The following MAP2K5 variants were observed in gnomAD, a reference collection of about 807,000 sequenced individuals.
The protein encoded by MAP2K5 is dual specificity mitogen-activated protein kinase kinase 5.
A neutral mutation model predicts 83.1 loss-of-function variants in MAP2K5; 49 were observed. That is an observed-to-expected ratio of 0.59 (90% CI 0.47 to 0.75). MAP2K5 has a LOEUF of 0.75. Ranked by LOEUF, MAP2K5 falls within the 30% of genes least tolerant of loss-of-function variation. The probability of loss-of-function intolerance (pLI) is 0.00; values close to 1 mark genes in which losing one functional copy is unlikely to be tolerated. For synonymous variants in MAP2K5, 202 were observed against 191.8 expected (o/e 1.05, Z -0.44); for missense variants, 457 against 557.5 (o/e 0.82, Z 1.82).
In MAP2K5 at chr15:67,750,793, A is replaced by T. The variant is rs1419661138; in HGVS notation, c.1134+2192A>T. Among the ~76,000 whole-genome samples, 2 of 152,140 alleles carry T rather than the reference A, an allele frequency of 1.3e-5. No homozygotes were observed. The highest frequency in any genetic ancestry group is 6.5e-5 in the Admixed American group (1 of 15,282). The stretch of plus-strand genomic sequence containing the variant: ...CTTTTAGACCTTTTATTTGTGAATG[A>T]ATATGCCCAGTTGGGATTTGAGCCG... On this transcript the variant is annotated intron_variant, in intron 19 of 21. Coordinates refer to ENST00000178640, the MANE Select transcript of MAP2K5 (RefSeq NM_145160.3). This position sits in a 1 kb window ranked among gnomAD's most constrained non-coding sequence, Gnocchi z 4.2.
intron 15 of MAP2K5, among the ~76,000 whole-genome samples, chr15:67,700,801 T>C (rs1332584405): frequency 6.6e-6 from 1 of 152,010 alleles, no homozygotes; most frequent in East Asian, 1.9e-4. Context: ...ACAGCAGTAA[T>C]CTTGTTTCAT....
chr15:67,651,083 T>C (rs1013938000), intron 11 of MAP2K5, among the ~76,000 whole-genome samples: 10 of 152,258 alleles, frequency 6.6e-5, no homozygotes, highest in African/African-American at 1.7e-4. Context: ...CTGGGCATGG[T>C]GGCACATGCC....
chr15:67,568,255 C>G, intron 3 of MAP2K5, among the ~76,000 whole-genome samples: 1 of 151,916 alleles, frequency 6.6e-6, no homozygotes, highest in Non-Finnish European at 1.5e-5. Flanking sequence ...GTAAGTATTC[C>G]CTTTGGTGTA....
At position 67,778,585 on chromosome 15, in the gene MAP2K5, G is replaced by A. The variant is rs1350533724; in HGVS notation, c.1242+5833G>A. ...CTTATGAAGGCAGGTAAACAAGGGG[G>A]TCACCAGCAAGTCTTAGAGAAGTCA... On this transcript the variant is annotated intron_variant, in intron 21 of 21. Coordinates refer to ENST00000178640, the MANE Select transcript of MAP2K5 (RefSeq NM_145160.3). This position sits in a 1 kb window ranked among gnomAD's most constrained non-coding sequence, Gnocchi z 5.0. Among the ~76,000 whole-genome samples the A allele has an allele frequency of 1.3e-5, 2 of 152,182 alleles. No individual in the cohort carries two copies. The highest frequency in any genetic ancestry group is 6.5e-5 in the Admixed American group (1 of 15,278).
At chr15:67,701,741 G>A (rs547801377) in intron 15 of MAP2K5, among the ~76,000 whole-genome samples, 24 of 152,240 alleles carry the variant, frequency 1.6e-4, no homozygotes, top group African/African-American at 4.1e-4. Context: ...TTATTCTGGA[G>A]GTTCATTTGT....
chr15:67,634,408 A>AAAAAAAAAAAAAAAAAAAAAAAC (rs1826173199), intron 9 of MAP2K5, among the ~76,000 whole-genome samples: 1 of 132,042 alleles, frequency 7.6e-6, no homozygotes, highest in Non-Finnish European at 1.6e-5. Flanking sequence ...AAAAAAAAAA[A>AAAAAAAAAAAAAAAAAAAAAAAC]AGAATGTATA....
At chr15:67,546,365 A>T (rs1476527026) in intron 1 of MAP2K5, 2 of 153,260 alleles carry the variant, frequency 1.3e-5, no homozygotes, top group African/African-American at 4.8e-5. Context: ...CACCCAGCTA[A>T]TTTTTGGCAG....
chr15:67,655,531 A>AAT (rs55744816), intron 11 of MAP2K5, among the ~76,000 whole-genome samples: 149,557 of 152,260 alleles, frequency 0.98, 73,517 homozygotes, highest in Middle Eastern at 1. Flanking sequence ...TTCATGTTCA[A>AAT]ATGTCATTCC....
intron 13 of MAP2K5, among the ~76,000 whole-genome samples, chr15:67,692,179 C>G (rs2088129681): frequency 6.6e-6 from 1 of 152,106 alleles, no homozygotes; most frequent in African/African-American, 2.4e-5. Context: ...TCCTGAAAAA[C>G]TAGGGATAGG....
intron 4 of MAP2K5, among the ~76,000 whole-genome samples, chr15:67,583,934 C>T (rs577009844): frequency 5.4e-4 from 81 of 151,370 alleles, no homozygotes; most frequent in Middle Eastern, 3.4e-3. Flanking sequence ...TTTTTAATAG[C>T]GACAAGGTAT....
At position 67,646,421 on chromosome 15, in the gene MAP2K5, G is replaced by T. The variant is rs1156475614; in HGVS notation, c.688G>T (p.Ala230Ser). ...ATCATATATCATTGGATTTTATGGA[G>T]CATTTTTTGTAGAAAACAGGATTTC... ...DSSYIIGFYGAFFVENRISIC... is the reference protein window; with the variant it reads ...DSSYIIGFYGSFFVENRISIC... Residue 230 changes from alanine to serine, a missense_variant, in exon 11 of 22, where the codon GCA (alanine) becomes TCA (serine). By Grantham distance (99) the Ala-to-Ser change is moderately conservative. Transcript: ENST00000178640. 6.2e-7 allele frequency: 1 copy of T among 1,602,516 alleles called. No homozygotes were observed. Among genetic ancestry groups the T allele is most frequent in the African/African-American group, 1.3e-5 (1 of 74,616 alleles).
At chr15:67,739,460 ATATTTTTTTTTTTTTTTTTTTTTTT>A (rs1435484886) in intron 17 of MAP2K5, among the ~76,000 whole-genome samples, 2 of 19,990 alleles carry the variant, frequency 1.0e-4, no homozygotes, top group Non-Finnish European at 1.5e-4. Context: ...ATATATATAT[ATATTTTTTTTTTTTTTTTTTTTTTT>A]TTTTTTTTTT....
Position 67,760,818 on chromosome 15 carries a change from G to A in MAP2K5, c.1135-8784G>A, listed in dbSNP as rs914879687. The stretch of plus-strand genomic sequence containing the variant: ...TATTGTGAAGTCTTACCCAGCCATA[G>A]GACAATGCTCATTTAATCCACCATG... On this transcript the variant is annotated intron_variant, in intron 19 of 21. Coordinates refer to ENST00000178640, the MANE Select transcript of MAP2K5 (RefSeq NM_145160.3). This position sits in a 1 kb window ranked among gnomAD's most constrained non-coding sequence, Gnocchi z 4.1. 1.3e-5 allele frequency among the ~76,000 whole-genome samples: 2 copies of A among 152,054 alleles called. No homozygotes were observed. Among genetic ancestry groups the A allele is most frequent in the Admixed American group, 1.3e-4 (2 of 15,260 alleles).
At chr15:67,629,681 A>G (rs1247431337) in intron 8 of MAP2K5, among the ~76,000 whole-genome samples, 1 of 63,566 alleles carries the variant, frequency 1.6e-5, no homozygotes, top group Non-Finnish European at 3.7e-5. Flanking sequence ...TCCCTATGCC[A>G]TTCCTATCCT....
intron 4 of MAP2K5, among the ~76,000 whole-genome samples, chr15:67,584,041 G>A (rs1391124351): frequency 3.9e-5 from 6 of 152,128 alleles, no homozygotes; most frequent in African/African-American, 1.2e-4. Context: ...GAGCCACCAT[G>A]CCTGGCCATA....
In MAP2K5 at chr15:67,558,521, C is replaced by T. The variant is rs144292781; in HGVS notation, c.185-4762C>T. 2.7e-3 allele frequency among the ~76,000 whole-genome samples: 406 copies of T among 152,300 alleles called. 1 individual carries two copies. Among genetic ancestry groups the T allele is most frequent in the Non-Finnish European group, 3.9e-3 (262 of 68,028 alleles). ...TTTTAGAAGTCAGGTGACACCACCACGCTCACAACCCTCCAGTGATTTCCA... is the reference window on the plus strand; with the variant it reads ...TTTTAGAAGTCAGGTGACACCACCATGCTCACAACCCTCCAGTGATTTCCA... On this transcript the variant is annotated intron_variant, in intron 2 of 21. Coordinates refer to ENST00000178640, the MANE Select transcript of MAP2K5 (RefSeq NM_145160.3).
chr15:67,547,735 G>A (rs2084426274), intron 1 of MAP2K5, among the ~76,000 whole-genome samples: 1 of 152,144 alleles, frequency 6.6e-6, no homozygotes, highest in Non-Finnish European at 1.5e-5. Context: ...GGGATTATAG[G>A]TGTGAGCCAC....
At chr15:67,633,035 G>C (rs983379553) in intron 9 of MAP2K5, among the ~76,000 whole-genome samples, 4 of 152,340 alleles carry the variant, frequency 2.6e-5, no homozygotes, top group South Asian at 2.1e-4. Context: ...GAGATCACCT[G>C]TTACAGCCCC....
chr15:67,683,761 A>AAAAAC (rs1241596997), intron 13 of MAP2K5, among the ~76,000 whole-genome samples: 1 of 152,210 alleles, frequency 6.6e-6, no homozygotes, highest in South Asian at 2.1e-4. Context: ...ACTCTGTCTC[A>AAAAAC]AAAACAAAAC....
Sources: gnomAD v4.1 joint callset for allele counts (sites outside exome capture counted in the v4.1 genomes callset) on GRCh38, gnomAD v4.1.1 for gene constraint, Gnocchi (gnomAD v3.1) non-coding constraint, MANE v1.5 for transcripts, NCBI Gene and HGNC (gene_info 2026-07-23, HGNC 2026-07-21) for gene names.